Variants in DGKA observed in about 807,000 individuals in gnomAD.
DGKA encodes the protein diacylglycerol kinase alpha.
In DGKA, 35 loss-of-function variants were observed where a neutral mutation model predicts 105.0. The observed-to-expected ratio is 0.33, with a 90% CI of 0.25 to 0.44. The LOEUF is 0.44. Among genes scored for constraint, DGKA ranks in the 20% least tolerant of loss-of-function variants. The pLI is 1.00. For synonymous variants in DGKA, 296 were observed against 332.0 expected (o/e 0.89, Z 1.18); for missense variants, 665 against 915.0 (o/e 0.73, Z 3.53).
Position 55,953,946 on chromosome 12 carries a change from C to T in DGKA, c.*178C>T. The stretch of plus-strand genomic sequence containing the variant: ...ACTGTTCCCCATGCGCACACACATA[C>T]ACACACCCCAAAACACATACATTGA... On this transcript the variant is annotated 3_prime_UTR_variant, in exon 24 of 24. Transcript: ENST00000331886. 1 of 647,410 alleles carries T rather than the reference C, an allele frequency of 1.5e-6. No individual in the cohort carries two copies. The highest frequency in any genetic ancestry group is 2.7e-6 in the Non-Finnish European group (1 of 375,202). 40.1% of individuals were successfully genotyped at this position (647,410 alleles called of 1,614,324 possible). A position where few individuals can be genotyped will look rare whatever the true frequency, so the allele number is the denominator to read the frequency against.
chr12:55,939,151 C>T (rs1418431865), intron 7 of DGKA, 35 bp from the exon 8 acceptor site: 2 of 1,610,572 alleles, frequency 1.2e-6, no homozygotes, highest in Non-Finnish European at 1.7e-6. Flanking sequence ...TGAAGACCCA[C>T]TCATACTGAA....
intron 2 of DGKA, chr12:55,936,783 G>A: frequency 1.2e-6 from 1 of 861,970 alleles, no homozygotes. Flanking sequence ...ATTGTGCAAG[G>A]TCTCGGCTCT....
chr12:55,932,877 T>C lies in DGKA; in HGVS notation c.-82+1533T>C. 2.7e-6 allele frequency: 1 copy of C among 372,844 alleles called. No homozygotes were observed. The highest frequency in any genetic ancestry group is 4.2e-5 in the South Asian group (1 of 23,790). 23.1% of individuals were successfully genotyped at this position (372,844 alleles called of 1,614,324 possible). The stretch of plus-strand genomic sequence containing the variant: ...GGTCAGGGAGAGGAGGAGGATACAG[T>C]CTATGATGTGATTAAGGAATTCAGA... On this transcript the variant is annotated intron_variant, in intron 1 of 23. Coordinates refer to ENST00000331886, the MANE Select transcript of DGKA (RefSeq NM_001345.5). This position sits in a 1 kb window ranked among gnomAD's most constrained non-coding sequence, Gnocchi z 4.3.
At chr12:55,935,401 T>G (rs1340912501) in intron 1 of DGKA, 1 of 152,180 alleles carries the variant, frequency 6.6e-6, no homozygotes, top group Non-Finnish European at 1.5e-5. Context: ...TGTATTATAT[T>G]AACGTAAGAT....
intron 17 of DGKA, among the ~76,000 whole-genome samples, chr12:55,948,400 C>CA (rs1887469073): frequency 3.6e-5 from 5 of 137,104 alleles, no homozygotes; most frequent in African/African-American, 1.4e-4. Flanking sequence ...GACTCCATCT[C>CA]GAAAAAAAAA....
At chr12:55,927,427 G>A, upstream of DGKA, 2 of 707,806 alleles carry the variant, frequency 2.8e-6, no homozygotes, top group Non-Finnish European at 5.1e-6. Flanking sequence ...GGACCTGCGA[G>A]GGAAAAGGGC....
upstream of DGKA, among the ~76,000 whole-genome samples, chr12:55,928,502 C>G (rs1231230252): frequency 2.6e-5 from 4 of 151,362 alleles, no homozygotes; most frequent in African/African-American, 7.3e-5. Flanking sequence ...ATGGCGAAAC[C>G]CCGTCTCTAC....
intron 1 of DGKA, chr12:55,935,654 G>C (rs552255334): frequency 6.5e-6 from 1 of 152,800 alleles, no homozygotes; most frequent in South Asian, 2.1e-4. Context: ...CTTTCTCTAG[G>C]ATGTCAGTAT....
At chr12:55,935,626 T>G (rs1017780080) in intron 1 of DGKA, 7 of 152,276 alleles carry the variant, frequency 4.6e-5, no homozygotes, top group African/African-American at 2.4e-5. Context: ...CATTGAAAAG[T>G]GCCAGATGGG....
upstream of DGKA, among the ~76,000 whole-genome samples, chr12:55,928,631 C>T (rs1365576728): frequency 4.1e-5 from 5 of 120,698 alleles, no homozygotes; most frequent in African/African-American, 1.6e-4. Flanking sequence ...GAGCCAAGAT[C>T]GCTCCACTGC....
chr12:55,951,619 C>T lies in DGKA; in HGVS notation c.1427-4C>T. ...CAGTGCTAACCTGTCTTCTCCACTC[C>T]TAGGTTATGAAGGACAGAATCTGGC... On this transcript the variant is annotated splice_region_variant and splice_polypyrimidine_tract_variant and intron_variant, in intron 17 of 23. Coordinates refer to ENST00000331886, the MANE Select transcript of DGKA (RefSeq NM_001345.5). The T allele has an allele frequency of 6.2e-7, 1 of 1,613,542 alleles. No homozygotes were observed. Among genetic ancestry groups the T allele is most frequent in the South Asian group, 1.1e-5 (1 of 91,028 alleles).
At chr12:55,944,960 C>A (rs943402748) in intron 17 of DGKA, among the ~76,000 whole-genome samples, 4 of 152,096 alleles carry the variant, frequency 2.6e-5, no homozygotes, top group Admixed American at 6.6e-5. Context: ...CCACCACATC[C>A]AGCTAATTTT....
Position 55,952,656 on chromosome 12 carries a change from G to A in DGKA, c.1744-78G>A, listed in dbSNP as rs767491241. 9.2e-6 allele frequency: 14 copies of A among 1,519,208 alleles called. No homozygotes were observed. The highest frequency in any genetic ancestry group is 1.7e-5 in the Admixed American group (1 of 59,092). The allele number at this position is 1,519,208 out of a possible 1,614,324, so 94.1% of individuals were successfully genotyped here. On this transcript the variant is annotated intron_variant, in intron 20 of 23. Transcript: ENST00000331886. This position sits in a 1 kb window ranked among gnomAD's most constrained non-coding sequence, Gnocchi z 5.1. Reference sequence around the variant, plus strand: ...TCTCCAGTTTGTCATCTGGTGGAGGGAGCGATCACATCTATGATCATGCCA... The same window carrying A: ...TCTCCAGTTTGTCATCTGGTGGAGGAAGCGATCACATCTATGATCATGCCA...
intron 1 of DGKA, chr12:55,936,181 A>G (rs1262409699): frequency 3.8e-6 from 2 of 527,416 alleles, no homozygotes; most frequent in African/African-American, 3.9e-5. Flanking sequence ...GAGAGGGAGA[A>G]GGATCCAGAA....
intron 23 of DGKA, 85 bp from the exon 24 acceptor site, chr12:55,953,600 A>T: frequency 1.4e-6 from 2 of 1,475,198 alleles, no homozygotes; most frequent in Non-Finnish European, 1.9e-6. Context: ...CCCACCCCAA[A>T]CCCCACAGAT....
At chr12:55,928,056 G>T (rs1417362890), upstream of DGKA, 1 of 460,494 alleles carries the variant, frequency 2.2e-6, no homozygotes, top group African/African-American at 2.1e-5. Context: ...GTCCTGCCCT[G>T]CGCCGTACCT....
At position 55,936,050 on chromosome 12, in the gene DGKA, C is replaced by A; in HGVS notation, c.-81-373C>A. The stretch of plus-strand genomic sequence containing the variant: ...GATGGGGAGAGTCTGCAGAGATTGA[C>A]GATGGTGGAAGAAAGCGCAGAAACA... On this transcript the variant is annotated intron_variant, in intron 1 of 23. Transcript: ENST00000331886. 4 of 987,690 alleles carry A rather than the reference C, an allele frequency of 4.0e-6. No homozygotes were observed. The South Asian group carries it at 1.3e-4, about 33-fold the overall frequency. 61.2% of individuals were successfully genotyped at this position (987,690 alleles called of 1,614,324 possible). A position where few individuals can be genotyped will look rare whatever the true frequency, so the allele number is the denominator to read the frequency against.
chr12:55,928,449 G>A (rs1195254261), upstream of DGKA: 1 of 151,976 alleles, frequency 6.6e-6, no homozygotes, highest in African/African-American at 2.4e-5. Flanking sequence ...AGGCCAAGGC[G>A]GGTGGATCAC....
upstream of DGKA, chr12:55,927,560 C>T (rs1036801346): frequency 8.1e-6 from 7 of 867,026 alleles, no homozygotes; most frequent in African/African-American, 1.7e-5. Flanking sequence ...ACTCCAGGAA[C>T]GCACTGGGGC....
Sources: gnomAD v4.1 joint callset for allele counts (sites outside exome capture counted in the v4.1 genomes callset) on GRCh38, gnomAD v4.1.1 for gene constraint, Gnocchi (gnomAD v3.1) non-coding constraint, MANE v1.5 for transcripts, NCBI Gene and HGNC (gene_info 2026-07-23, HGNC 2026-07-21) for gene names.